The following KCNH8 variants were observed in gnomAD, a reference collection of about 807,000 sequenced individuals.
The protein encoded by KCNH8 is voltage-gated delayed rectifier potassium channel KCNH8.
A neutral mutation model predicts 103.6 loss-of-function variants in KCNH8; 70 were observed. The observed-to-expected ratio is 0.68, with a 90% CI of 0.56 to 0.82. The LOEUF (loss-of-function observed/expected upper bound fraction) is 0.82, where lower values mean the gene tolerates loss of function less well. KCNH8 is among the 40% of genes least tolerant of loss of function. The pLI is 0.00. For synonymous variants in KCNH8, 498 were observed against 489.4 expected (o/e 1.02, Z -0.23); for missense variants, 1,217 against 1,329.9 (o/e 0.92, Z 1.32).
At chr3:19,413,495 TTTTTAACC>T (rs1349287298) in intron 7 of KCNH8, among the ~76,000 whole-genome samples, 1 of 152,018 alleles carries the variant, frequency 6.6e-6, no homozygotes, top group Non-Finnish European at 1.5e-5. Context: ...TGGGTAACAT[TTTTTAACC>T]CATGTAACAA....
intron 3 of KCNH8, among the ~76,000 whole-genome samples, chr3:19,295,951 A>G (rs1233140754): frequency 6.6e-6 from 1 of 152,146 alleles, no homozygotes; most frequent in African/African-American, 2.4e-5. Flanking sequence ...GCTTCAGTAA[A>G]AATAAGCTTT....
At chr3:19,231,045 CTATAG>C (rs1415528914) in intron 1 of KCNH8, among the ~76,000 whole-genome samples, 3 of 151,972 alleles carry the variant, frequency 2.0e-5, no homozygotes. Flanking sequence ...AATTATGTTA[CTATAG>C]TATAGTAACT....
At chr3:19,304,288 C>A (rs906070474) in intron 3 of KCNH8, among the ~76,000 whole-genome samples, 9 of 152,252 alleles carry the variant, frequency 5.9e-5, no homozygotes, top group African/African-American at 2.2e-4. Flanking sequence ...CTCAGACTTT[C>A]TATTCAGATT....
intron 1 of KCNH8, among the ~76,000 whole-genome samples, chr3:19,213,502 C>T (rs1252030853): frequency 1.3e-5 from 2 of 152,096 alleles, no homozygotes; most frequent in African/African-American, 4.8e-5. Context: ...AAAAACAAAG[C>T]CTTGATTTCT....
chr3:19,301,502 T>C (rs2065064165), intron 3 of KCNH8, among the ~76,000 whole-genome samples: 1 of 152,034 alleles, frequency 6.6e-6, no homozygotes, highest in Non-Finnish European at 1.5e-5. Context: ...AAAAACCATC[T>C]TTCACATAAT....
intron 11 of KCNH8, among the ~76,000 whole-genome samples, chr3:19,508,512 T>G (rs183131078): frequency 6.6e-6 from 1 of 152,272 alleles, no homozygotes; most frequent in East Asian, 1.9e-4. Context: ...TAAAAATACC[T>G]ATATTATAGG....
intron 3 of KCNH8, among the ~76,000 whole-genome samples, chr3:19,297,344 A>G (rs889062632): frequency 2.0e-5 from 3 of 152,228 alleles, no homozygotes; most frequent in Admixed American, 6.5e-5. Flanking sequence ...AAATGGTACT[A>G]CAACTATATT....
intron 1 of KCNH8, among the ~76,000 whole-genome samples, chr3:19,232,080 A>T (rs2064001020): frequency 6.6e-6 from 1 of 152,170 alleles, no homozygotes; most frequent in Non-Finnish European, 1.5e-5. Context: ...CTTGATTGGA[A>T]TGTATTTTTT....
At chr3:19,472,017 T>C (rs1003348246) in intron 11 of KCNH8, among the ~76,000 whole-genome samples, 2 of 152,224 alleles carry the variant, frequency 1.3e-5, no homozygotes, top group Admixed American at 6.5e-5. Flanking sequence ...AGAAAGTTTT[T>C]TAAAAATGAA....
At chr3:19,442,648 AC>A (rs555226879) in intron 8 of KCNH8, among the ~76,000 whole-genome samples, 43 of 152,236 alleles carry the variant, frequency 2.8e-4, no homozygotes, top group African/African-American at 1.0e-3. Flanking sequence ...AATTTAGGTG[AC>A]CCGAGCAGCA....
intron 3 of KCNH8, among the ~76,000 whole-genome samples, chr3:19,315,995 TG>T (rs1366873840): frequency 7.2e-5 from 11 of 152,194 alleles, no homozygotes; most frequent in Middle Eastern, 3.4e-3. Flanking sequence ...AATTGAATTA[TG>T]TCTGATTGTT....
rs2069248211 is a variant in KCNH8, at chr3:19,535,519, C to T, written c.*1420C>T. ...TAAAGTCTTATTTTATGTTTTAGAA[C>T]AGTTACAGTCTAATTGTCTTGGACA... On this transcript the variant is annotated 3_prime_UTR_variant, in exon 16 of 16. Transcript: ENST00000328405. 2 of 152,098 alleles carry T rather than the reference C, an allele frequency of 1.3e-5. No individual in the cohort carries two copies. The highest frequency in any genetic ancestry group is 4.8e-5 in the African/African-American group (2 of 41,414). 9.4% of individuals were successfully genotyped at this position (152,098 alleles called of 1,614,324 possible). A position where few individuals can be genotyped will look rare whatever the true frequency, so the allele number is the denominator to read the frequency against.
intron 5 of KCNH8, among the ~76,000 whole-genome samples, chr3:19,355,266 C>T (rs1575551351): frequency 6.6e-6 from 1 of 152,150 alleles, no homozygotes; most frequent in African/African-American, 2.4e-5. Flanking sequence ...GAAATAGGAA[C>T]ACTTTTACAC....
At chr3:19,362,646 T>G (rs2065961740) in intron 5 of KCNH8, among the ~76,000 whole-genome samples, 1 of 151,992 alleles carries the variant, frequency 6.6e-6, no homozygotes, top group South Asian at 2.1e-4. Flanking sequence ...ATTTCCTCAG[T>G]ATTTGTTTTT....
At chr3:19,182,734 G>C (rs61132235) in intron 1 of KCNH8, among the ~76,000 whole-genome samples, 6,300 of 152,222 alleles carry the variant, frequency 0.041, 470 homozygotes, top group African/African-American at 0.14. Context: ...ATGAGTGAGC[G>C]TAAGTAAGAA....
chr3:19,527,213 C>T lies in KCNH8; in HGVS notation c.2620-6182C>T, dbSNP rs181854164. On this transcript the variant is annotated intron_variant, in intron 15 of 15. Coordinates refer to ENST00000328405, the MANE Select transcript of KCNH8 (RefSeq NM_144633.3). ...TCCAGGCAAAGCAATACTAAAAATT[C>T]GAGACTTTTTCTTCTGATATTAGTT... Among the ~76,000 whole-genome samples, 9 of 152,096 alleles carry T rather than the reference C, an allele frequency of 5.9e-5. No homozygotes were observed. The South Asian group carries it at 6.2e-4, about 11-fold the overall frequency.
chr3:19,500,754 C>G (rs953803714), intron 11 of KCNH8, among the ~76,000 whole-genome samples: 1 of 151,888 alleles, frequency 6.6e-6, no homozygotes, highest in East Asian at 1.9e-4. Context: ...CACAACATAC[C>G]AGAATCTCTG....
At chr3:19,169,255 CTTTTTTT>C (rs768036667) in intron 1 of KCNH8, among the ~76,000 whole-genome samples, 3 of 124,964 alleles carry the variant, frequency 2.4e-5, no homozygotes, top group East Asian at 2.2e-4. Flanking sequence ...TTCTTTCTTT[CTTTTTTT>C]TTTTTTTTTT....
intron 1 of KCNH8, among the ~76,000 whole-genome samples, chr3:19,210,387 A>G (rs2063758364): frequency 6.6e-6 from 1 of 152,088 alleles, no homozygotes; most frequent in African/African-American, 2.4e-5. Context: ...CTGTGGGATG[A>G]TTAACATCCT....
Sources: allele counts gnomAD v4.1 joint callset (sites outside exome capture counted in the v4.1 genomes callset), GRCh38; gene constraint gnomAD v4.1.1; transcripts MANE v1.5; gene names NCBI Gene and HGNC (gene_info 2026-07-23, HGNC 2026-07-21).